The following KIAA1328 variants were observed in gnomAD, a reference collection of about 807,000 sequenced individuals.
The protein encoded by KIAA1328 is protein hinderin.
KIAA1328 carries 52 observed loss-of-function variants against 68.1 expected under a neutral mutation model. That is an observed-to-expected ratio of 0.76 (90% CI 0.61 to 0.96). KIAA1328 has a LOEUF of 0.96. Ranked by LOEUF, KIAA1328 falls within the 40% of genes least tolerant of loss-of-function variation. The pLI is 0.00. For missense variants in KIAA1328, 641 were observed against 677.6 expected (o/e 0.95, Z 0.60); for synonymous variants, 232 against 239.4 (o/e 0.97, Z 0.28).
chr18:37,143,915 A>G (rs2058837527), intron 7 of KIAA1328, among the ~76,000 whole-genome samples: 1 of 152,104 alleles, frequency 6.6e-6, no homozygotes, highest in African/African-American at 2.4e-5. Context: ...TTATTTTATA[A>G]TAACTTAGGT....
intron 4 of KIAA1328, among the ~76,000 whole-genome samples, chr18:36,852,419 T>C (rs1048112853): frequency 2.0e-5 from 3 of 152,214 alleles, no homozygotes; most frequent in Non-Finnish European, 4.4e-5. Flanking sequence ...AAAGGCAGAA[T>C]GTTAGCAAAC....
chr18:37,153,817 T>C (rs541226283), intron 7 of KIAA1328, among the ~76,000 whole-genome samples: 16 of 149,428 alleles, frequency 1.1e-4, no homozygotes, highest in Non-Finnish European at 2.1e-4. Flanking sequence ...CCAGCCTAGA[T>C]TTTATGGTCT....
chr18:37,022,485 A>G (rs1598997015), intron 6 of KIAA1328, among the ~76,000 whole-genome samples: 1 of 152,208 alleles, frequency 6.6e-6, no homozygotes, highest in African/African-American at 2.4e-5. Context: ...GGAAAACTGA[A>G]CAGGCTGGGG....
intron 4 of KIAA1328, among the ~76,000 whole-genome samples, chr18:36,867,692 A>G (rs139457004): frequency 5.9e-5 from 9 of 152,320 alleles, no homozygotes; most frequent in Non-Finnish European, 1.3e-4. Context: ...TATGGGTACA[A>G]TGTATGAAAG....
At chr18:37,192,250 T>C (rs1016472060) in intron 9 of KIAA1328, among the ~76,000 whole-genome samples, 1 of 151,896 alleles carries the variant, frequency 6.6e-6, no homozygotes, top group Non-Finnish European at 1.5e-5. Flanking sequence ...CTGTGATAGG[T>C]TTGTATTAAA....
intron 5 of KIAA1328, among the ~76,000 whole-genome samples, chr18:36,917,210 A>G (rs991087320): frequency 1.3e-5 from 2 of 152,088 alleles, no homozygotes; most frequent in Admixed American, 6.5e-5. Context: ...TGAATGACAT[A>G]TTGTAGACAG....
At chr18:37,194,138 G>T (rs1216307713) in intron 9 of KIAA1328, among the ~76,000 whole-genome samples, 1 of 152,128 alleles carries the variant, frequency 6.6e-6, no homozygotes, top group Admixed American at 6.5e-5. Flanking sequence ...TCCTAGAAAT[G>T]GAATTGTGGG....
intron 6 of KIAA1328, among the ~76,000 whole-genome samples, chr18:37,064,374 AT>A (rs1359471236): frequency 3.3e-5 from 5 of 152,182 alleles, no homozygotes; most frequent in Admixed American, 3.3e-4. Flanking sequence ...CCATCAGTCC[AT>A]CATTTGCAAC....
At chr18:36,880,945 T>C (rs894263932) in intron 4 of KIAA1328, among the ~76,000 whole-genome samples, 1 of 152,184 alleles carries the variant, frequency 6.6e-6, no homozygotes, top group Non-Finnish European at 1.5e-5. Context: ...TATTATCTTT[T>C]TATATATCTG....
At chr18:36,844,426 A>G (rs1272563603) in intron 4 of KIAA1328, 124 bp downstream of exon 4, 1 of 545,680 alleles carries the variant, frequency 1.8e-6, no homozygotes, top group East Asian at 3.5e-5. Context: ...AGAGTTTTGG[A>G]AAAAAGACAT....
At chr18:37,047,546 G>A (rs1463556725) in intron 6 of KIAA1328, among the ~76,000 whole-genome samples, 1 of 152,002 alleles carries the variant, frequency 6.6e-6, no homozygotes, top group Non-Finnish European at 1.5e-5. Context: ...CATCATCCCT[G>A]TCTTCAACTA....
chr18:37,063,781 C>T, intron 6 of KIAA1328: 1 of 522,088 alleles, frequency 1.9e-6, no homozygotes, highest in Non-Finnish European at 2.5e-6. Context: ...CAGTTAGTAC[C>T]ATTAAAGTAA....
At chr18:36,860,913 T>G (rs1306676050) in intron 4 of KIAA1328, among the ~76,000 whole-genome samples, 1 of 152,152 alleles carries the variant, frequency 6.6e-6, no homozygotes, top group Non-Finnish European at 1.5e-5. Flanking sequence ...AATAAGCTAT[T>G]TTTTAAAAAA....
intron 4 of KIAA1328, among the ~76,000 whole-genome samples, chr18:36,862,457 C>T (rs1026923001): frequency 2.0e-5 from 3 of 152,142 alleles, no homozygotes; most frequent in African/African-American, 7.2e-5. Flanking sequence ...CAGTATGTAA[C>T]ATTTTGTGAC....
At chr18:37,143,117 G>A (rs1033109252) in intron 7 of KIAA1328, among the ~76,000 whole-genome samples, 1 of 151,944 alleles carries the variant, frequency 6.6e-6, no homozygotes, top group Non-Finnish European at 1.5e-5. Context: ...ACCACAGTTG[G>A]CCAATTTTTG....
chr18:37,120,306 C>T (rs555257748), intron 7 of KIAA1328, among the ~76,000 whole-genome samples: 2 of 152,128 alleles, frequency 1.3e-5, no homozygotes, highest in East Asian at 3.9e-4. Context: ...CTCCCAGTGA[C>T]ATTTACTAAT....
At chr18:37,074,518 C>T (rs2056644569) in intron 7 of KIAA1328, among the ~76,000 whole-genome samples, 1 of 152,088 alleles carries the variant, frequency 6.6e-6, no homozygotes, top group Non-Finnish European at 1.5e-5. Context: ...CTCTTAACTT[C>T]CCTTCTCACT....
chr18:36,848,261 C>A (rs1006005338), intron 4 of KIAA1328, among the ~76,000 whole-genome samples: 2 of 151,422 alleles, frequency 1.3e-5, no homozygotes, highest in Non-Finnish European at 3.0e-5. Context: ...ATGTCATTTT[C>A]AGGTTATAGG....
In KIAA1328 at chr18:37,055,951, A is replaced by T. The variant is rs993114937; in HGVS notation, c.577-10939A>T. On this transcript the variant is annotated intron_variant, in intron 6 of 9. Transcript: ENST00000280020. ...CCTGTGGTGAACAACTCATAAATGC[A>T]TTGGAAGTAATCACATCCTAAACAT... 1.3e-5 allele frequency among the ~76,000 whole-genome samples: 2 copies of T among 152,216 alleles called. 1 individual carries two copies. The highest frequency in any genetic ancestry group is 1.3e-4 in the Admixed American group (2 of 15,282).
Sources: allele counts gnomAD v4.1 joint callset (sites outside exome capture counted in the v4.1 genomes callset), GRCh38; gene constraint gnomAD v4.1.1; transcripts MANE v1.5; gene names NCBI Gene and HGNC (gene_info 2026-07-23, HGNC 2026-07-21).